The following CDYL variants were observed in gnomAD, a reference collection of about 807,000 sequenced individuals.
The protein encoded by CDYL is chromodomain Y like.
In CDYL, 8 loss-of-function variants were observed where a neutral mutation model predicts 47.3. That is an observed-to-expected ratio of 0.17 (90% CI 0.10 to 0.31). The LOEUF is 0.31. Among genes scored for constraint, CDYL ranks in the 10% least tolerant of loss-of-function variants. The probability of loss-of-function intolerance (pLI) is 1.00; values close to 1 mark genes in which losing one functional copy is unlikely to be tolerated. For synonymous variants in CDYL, 266 were observed against 265.0 expected (o/e 1.00, Z -0.04); for missense variants, 471 against 701.4 (o/e 0.67, Z 3.71).
intron 1 of CDYL, among the ~76,000 whole-genome samples, chr6:4,830,196 C>T (rs891682214): frequency 4.6e-5 from 7 of 152,254 alleles, no homozygotes; most frequent in African/African-American, 1.7e-4. Context: ...TGTAAAAGGG[C>T]TTATCACCGC....
At chr6:4,829,673 G>C (rs767092975) in intron 1 of CDYL, among the ~76,000 whole-genome samples, 1 of 152,168 alleles carries the variant, frequency 6.6e-6, no homozygotes, top group Non-Finnish European at 1.5e-5. Context: ...TGATCATTTA[G>C]CCTAGGTGTT....
At chr6:4,808,757 T>C (rs920893770) in intron 1 of CDYL, among the ~76,000 whole-genome samples, 22 of 152,256 alleles carry the variant, frequency 1.4e-4, no homozygotes, top group Non-Finnish European at 2.9e-5. Flanking sequence ...TGTACGGCTC[T>C]TTTTGTCTTT....
intron 3 of CDYL, among the ~76,000 whole-genome samples, chr6:4,748,837 T>C (rs1757940682): frequency 6.6e-6 from 1 of 152,226 alleles, no homozygotes; most frequent in Non-Finnish European, 1.5e-5. Flanking sequence ...TATGAAATTA[T>C]TCCTTCTGCT....
intron 1 of CDYL, among the ~76,000 whole-genome samples, chr6:4,821,671 G>A (rs1208572553): frequency 6.6e-6 from 1 of 151,690 alleles, no homozygotes; most frequent in African/African-American, 2.4e-5. Context: ...GGGAGGCGGA[G>A]GTTGCAGTGA....
intron 1 of CDYL, among the ~76,000 whole-genome samples, chr6:4,825,398 A>G (rs1206494466): frequency 6.6e-6 from 1 of 152,052 alleles, no homozygotes; most frequent in Admixed American, 6.6e-5. Flanking sequence ...TTCAATTTGG[A>G]TGCCGTTTGT....
At chr6:4,801,541 C>T (rs1354834741) in intron 1 of CDYL, among the ~76,000 whole-genome samples, 2 of 152,190 alleles carry the variant, frequency 1.3e-5, no homozygotes. Context: ...TCAAACTACA[C>T]ACTTTGTTTT....
At chr6:4,934,341 T>TA (rs922627398) in intron 2 of CDYL, among the ~76,000 whole-genome samples, 39 of 151,776 alleles carry the variant, frequency 2.6e-4, no homozygotes, top group South Asian at 1.0e-3. Context: ...AAAATATAAT[T>TA]AAAAAAAAAC....
At chr6:4,872,718 T>A (rs1297972443) in intron 1 of CDYL, among the ~76,000 whole-genome samples, 3 of 152,216 alleles carry the variant, frequency 2.0e-5, no homozygotes, top group African/African-American at 7.2e-5. Context: ...AAGGCTTGCC[T>A]ATAACACTGT....
At chr6:4,833,507 T>G (rs1192704081) in intron 1 of CDYL, among the ~76,000 whole-genome samples, 2 of 150,610 alleles carry the variant, frequency 1.3e-5, no homozygotes, top group African/African-American at 4.9e-5. Context: ...GTGGTCAATT[T>G]TGGAATAGGT....
At chr6:4,796,419 A>T (rs1025208909) in intron 1 of CDYL, among the ~76,000 whole-genome samples, 1 of 152,180 alleles carries the variant, frequency 6.6e-6, no homozygotes, top group Non-Finnish European at 1.5e-5. Flanking sequence ...TTCAGGGTTC[A>T]TATATGTACA....
intron 1 of CDYL, among the ~76,000 whole-genome samples, chr6:4,791,015 G>A (rs1316953563): frequency 6.6e-6 from 1 of 152,200 alleles, no homozygotes; most frequent in South Asian, 2.1e-4. Flanking sequence ...CCAAAGGTAG[G>A]TACAAACTGA....
chr6:4,724,406 C>T (rs1051712871), intron 2 of CDYL: 1 of 152,200 alleles, frequency 6.6e-6, no homozygotes, highest in African/African-American at 2.4e-5. Context: ...CATGTCAGGG[C>T]TTACCTTGAT....
chr6:4,787,765 C>CTTTTTTT lies in CDYL; in HGVS notation c.24+10975_24+10981dup, dbSNP rs70974136. ...GGACAGGCTGCTCTGAAATTCAAGT[C>CTTTTTTT]TTTTTTTTTTTTTTTTTTTTTTTGG... On this transcript the variant is annotated intron_variant, in intron 1 of 6. Transcript: ENST00000397588. Among the ~76,000 whole-genome samples, 13 of 69,424 alleles carry CTTTTTTT rather than the reference C, an allele frequency of 1.9e-4. 1 individual carries two copies. Among genetic ancestry groups the CTTTTTTT allele is most frequent in the African/African-American group, 6.8e-4 (12 of 17,736 alleles). The allele number at this position is 69,424 out of a possible 152,430, so 45.5% of individuals were successfully genotyped here.
chr6:4,801,607 T>TCTTA, intron 1 of CDYL, among the ~76,000 whole-genome samples: 1 of 152,308 alleles, frequency 6.6e-6, no homozygotes, highest in East Asian at 1.9e-4. Context: ...TTTGCACTGG[T>TCTTA]GGTGGTTTTA....
At chr6:4,858,459 A>G (rs766672312) in intron 1 of CDYL, among the ~76,000 whole-genome samples, 16 of 152,158 alleles carry the variant, frequency 1.1e-4, no homozygotes, top group Non-Finnish European at 2.4e-4. Context: ...CAGCACTGCT[A>G]TTGTCCAGCC....
intron 1 of CDYL, among the ~76,000 whole-genome samples, chr6:4,852,471 TCTTCCTTCCTTC>T (rs765080686): frequency 9.2e-6 from 1 of 108,158 alleles, no homozygotes; most frequent in Non-Finnish European, 2.0e-5. Context: ...TTCCTTCCAA[TCTTCCTTCCTTC>T]CTTCCTTCCA....
At chr6:4,833,535 A>G (rs1760207917) in intron 1 of CDYL, among the ~76,000 whole-genome samples, 1 of 148,824 alleles carries the variant, frequency 6.7e-6, no homozygotes. Flanking sequence ...GGTGCTGAAA[A>G]AAATGTATAT....
chr6:4,817,011 TAA>T (rs1485280359), intron 1 of CDYL, among the ~76,000 whole-genome samples: 1 of 152,226 alleles, frequency 6.6e-6, no homozygotes, highest in Non-Finnish European at 1.5e-5. Flanking sequence ...CTGCTTTTTA[TAA>T]GTCATGAGCA....
At chr6:4,912,881 A>G (rs183895959) in intron 2 of CDYL, among the ~76,000 whole-genome samples, 15 of 152,280 alleles carry the variant, frequency 9.9e-5, no homozygotes, top group Middle Eastern at 3.4e-3. Flanking sequence ...CAGAGCCCCC[A>G]TGACCCAATT....
Sources: allele counts gnomAD v4.1 joint callset (sites outside exome capture counted in the v4.1 genomes callset), GRCh38; gene constraint gnomAD v4.1.1; transcripts MANE v1.5; gene names NCBI Gene and HGNC (gene_info 2026-07-23, HGNC 2026-07-21).